DGKB: variants seen among roughly 807,000 people sequenced by gnomAD.
DGKB encodes 90 kDa diacylglycerol kinase.
Under a neutral mutation model 114.3 loss-of-function variants are expected in DGKB, and 67 were observed. That is an observed-to-expected ratio of 0.59 (90% CI 0.48 to 0.72). The LOEUF is 0.72. Among genes scored for constraint, DGKB ranks in the 30% least tolerant of loss-of-function variants. The pLI, the probability that DGKB is intolerant of heterozygous loss-of-function variation, is 0.00. For synonymous variants in DGKB, 398 were observed against 323.1 expected, an observed-to-expected ratio of 1.23 and a Z score of -2.49; for missense variants, 907 against 975.2, an observed-to-expected ratio of 0.93 and a Z score of 0.93.
In DGKB at chr7:14,313,642, G is replaced by A. The variant is rs574277475; in HGVS notation, c.2122+24873C>T. Reference sequence around the variant, plus strand: ...GCTCGGAGGGTCCTACGCCCACGGAGTCTCGCTGATTGCTAGCACAGCAGT... The same window carrying A: ...GCTCGGAGGGTCCTACGCCCACGGAATCTCGCTGATTGCTAGCACAGCAGT... On this transcript the variant is annotated intron_variant, in intron 23 of 25. Coordinates refer to ENST00000402815, the MANE Select transcript of DGKB (RefSeq NM_001350709.2). 4.1e-3 allele frequency among the ~76,000 whole-genome samples: 621 copies of A among 152,308 alleles called. 7 individuals carry two copies. Among genetic ancestry groups the A allele is most frequent in the African/African-American group, 0.014 (595 of 41,572 alleles).
intron 23 of DGKB, chr7:14,191,903 G>C (rs1784372380): frequency 1.8e-6 from 1 of 571,136 alleles, no homozygotes; most frequent in East Asian, 5.1e-5. Flanking sequence ...GGAAAAGATT[G>C]ATTGCCAGTC....
chr7:14,733,888 G>A (rs1831304125), intron 5 of DGKB, among the ~76,000 whole-genome samples: 1 of 151,972 alleles, frequency 6.6e-6, no homozygotes, highest in South Asian at 2.1e-4. Flanking sequence ...TACAACATAA[G>A]GCTTAATATT....
At chr7:14,536,818 C>A (rs1366867358) in intron 20 of DGKB, among the ~76,000 whole-genome samples, 2 of 145,310 alleles carry the variant, frequency 1.4e-5, no homozygotes, top group African/African-American at 5.2e-5. Context: ...CCTGGAAGTG[C>A]CAGCAAGAGC....
intron 20 of DGKB, among the ~76,000 whole-genome samples, chr7:14,491,219 G>A (rs1388401349): frequency 6.6e-6 from 1 of 151,906 alleles, no homozygotes; most frequent in Non-Finnish European, 1.5e-5. Flanking sequence ...TTTAATCATG[G>A]GGGCTTTTTC....
intron 14 of DGKB, among the ~76,000 whole-genome samples, chr7:14,625,200 A>G (rs1808356770): frequency 6.6e-6 from 1 of 152,082 alleles, no homozygotes; most frequent in Non-Finnish European, 1.5e-5. Context: ...TTTAAACACA[A>G]ACACACAGAC....
intron 1 of DGKB, among the ~76,000 whole-genome samples, chr7:14,860,355 G>T (rs1352920684): frequency 6.6e-6 from 1 of 151,820 alleles, no homozygotes; most frequent in African/African-American, 2.4e-5. Flanking sequence ...GTGTTTCTTA[G>T]ATCAAATTTG....
At chr7:14,676,326 T>C (rs1441905170) in intron 12 of DGKB, among the ~76,000 whole-genome samples, 1 of 152,106 alleles carries the variant, frequency 6.6e-6, no homozygotes, top group African/African-American at 2.4e-5. Context: ...AAGCTTTTTA[T>C]AGTTTGAAAG....
intron 21 of DGKB, among the ~76,000 whole-genome samples, chr7:14,365,202 G>A (rs1816460988): frequency 2.0e-5 from 3 of 151,932 alleles, no homozygotes; most frequent in Admixed American, 1.3e-4. Flanking sequence ...TTTATTAATT[G>A]TGGAATCCTA....
chr7:14,416,152 T>C (rs1471632395), intron 21 of DGKB, among the ~76,000 whole-genome samples: 1 of 152,178 alleles, frequency 6.6e-6, no homozygotes, highest in Non-Finnish European at 1.5e-5. Flanking sequence ...TTTGAGTTCA[T>C]TGTAGATTCT....
chr7:14,429,911 A>G (rs1368542415), intron 21 of DGKB, among the ~76,000 whole-genome samples: 7 of 137,798 alleles, frequency 5.1e-5, no homozygotes, highest in Non-Finnish European at 9.4e-5. Context: ...TGGGCTACAG[A>G]GTGAGACTCT....
intron 13 of DGKB, among the ~76,000 whole-genome samples, chr7:14,646,590 G>C (rs778728433): frequency 2.4e-4 from 37 of 152,002 alleles, no homozygotes; most frequent in Non-Finnish European, 5.0e-4. Flanking sequence ...TGTATCTTAG[G>C]CCTCAATATA....
rs1258427432 is a variant in DGKB, at chr7:14,182,169, A to G, written c.2123-4018T>C. On this transcript the variant is annotated intron_variant, in intron 23 of 25. Transcript: ENST00000402815. ...AAAAGATAATACGTTTTAATTATCCACAATACCAAAATATCTACAAGTCTC... is the reference window on the plus strand; with the variant it reads ...AAAAGATAATACGTTTTAATTATCCGCAATACCAAAATATCTACAAGTCTC... Among the ~76,000 whole-genome samples, 3 of 152,156 alleles carry G rather than the reference A, an allele frequency of 2.0e-5. No homozygotes were observed. In the East Asian group the frequency reaches 5.8e-4, roughly 29 times the overall value.
At chr7:14,813,846 T>C (rs1236243552) in intron 2 of DGKB, among the ~76,000 whole-genome samples, 2 of 152,196 alleles carry the variant, frequency 1.3e-5, no homozygotes, top group Non-Finnish European at 2.9e-5. Flanking sequence ...ATTGGTGTTA[T>C]CTGAAAACTA....
intron 20 of DGKB, among the ~76,000 whole-genome samples, chr7:14,572,909 T>C (rs1798604468): frequency 6.6e-6 from 1 of 152,140 alleles, no homozygotes; most frequent in Non-Finnish European, 1.5e-5. Context: ...TTTTAGATAT[T>C]TTTAAATATA....
At chr7:14,149,324 G>A (rs1188541588) in intron 25 of DGKB, 86 bp from the exon 26 acceptor site, 12 of 935,222 alleles carry the variant, frequency 1.3e-5, no homozygotes, top group South Asian at 9.6e-5. Flanking sequence ...TCTCTGTTAA[G>A]GTTAATAATA....
At chr7:14,752,935 AC>A (rs1459650893) in intron 4 of DGKB, among the ~76,000 whole-genome samples, 2 of 152,168 alleles carry the variant, frequency 1.3e-5, no homozygotes, top group African/African-American at 4.8e-5. Context: ...ATTTGGGGAA[AC>A]AAGTTTCCAG....
At chr7:14,706,614 ATCTC>A (rs1302114455) in intron 6 of DGKB, among the ~76,000 whole-genome samples, 2 of 78,842 alleles carry the variant, frequency 2.5e-5, no homozygotes, top group African/African-American at 1.1e-4. Context: ...ATAACAAACT[ATCTC>A]TCAGACCACA....
Position 14,789,127 on chromosome 7 carries a change from G to T in DGKB, c.71-31396C>A, listed in dbSNP as rs1840307356. Among the ~76,000 whole-genome samples, 2 of 151,728 alleles carry T rather than the reference G, an allele frequency of 1.3e-5. 1 individual carries two copies. The highest frequency in any genetic ancestry group is 4.2e-4 in the South Asian group (2 of 4,802). On this transcript the variant is annotated intron_variant, in intron 2 of 25. Coordinates refer to ENST00000402815, the MANE Select transcript of DGKB (RefSeq NM_001350709.2). ...ATTTGAGATAACTGCAGATTCACTT[G>T]TAGATATAAGGCATAGAGATCTCGT... is the stretch of plus-strand genomic sequence containing the variant.
chr7:14,536,787 A>T (rs1384816073), intron 20 of DGKB, among the ~76,000 whole-genome samples: 2 of 151,988 alleles, frequency 1.3e-5, no homozygotes, highest in Non-Finnish European at 2.9e-5. Flanking sequence ...GCTCATTCTC[A>T]CCACTTCTAT....
Sources: allele counts gnomAD v4.1 joint callset (sites outside exome capture counted in the v4.1 genomes callset), GRCh38; gene constraint gnomAD v4.1.1; transcripts MANE v1.5; gene names NCBI Gene and HGNC (gene_info 2026-07-23, HGNC 2026-07-21).